The following MPP7 variants were observed in gnomAD, a reference collection of about 807,000 sequenced individuals.
MPP7 encodes the protein MAGUK p55 scaffold protein 7.
In MPP7, 60 loss-of-function variants were observed where a neutral mutation model predicts 76.5. The ratio of observed to expected loss-of-function variants is 0.78; its 90% CI spans 0.64 to 0.97. MPP7 has a LOEUF of 0.97. Ranked by LOEUF, MPP7 falls within the 50% of genes least tolerant of loss-of-function variation. MPP7 has a pLI of 0.00. For missense variants in MPP7, 641 were observed against 694.0 expected, an observed-to-expected ratio of 0.92 and a Z score of 0.86; for synonymous variants, 237 against 244.5, an observed-to-expected ratio of 0.97 and a Z score of 0.29.
chr10:28,331,173 G>T (rs1222316634), intron 1 of MPP7, among the ~76,000 whole-genome samples: 1 of 151,990 alleles, frequency 6.6e-6, no homozygotes, highest in African/African-American at 2.4e-5. Context: ...ATGAATTAAT[G>T]AAAAAAGGGA....
chr10:28,219,735 C>T (rs1246289546), intron 2 of MPP7, among the ~76,000 whole-genome samples: 1 of 151,972 alleles, frequency 6.6e-6, no homozygotes, highest in Non-Finnish European at 1.5e-5. Context: ...TTTACTATAA[C>T]CTAGGGCTAA....
chr10:28,086,004 T>A (rs554010636), intron 12 of MPP7, among the ~76,000 whole-genome samples: 8 of 152,044 alleles, frequency 5.3e-5, no homozygotes, highest in Non-Finnish European at 1.0e-4. Context: ...ATGGATGAAG[T>A]TGGAAACCAT....
chr10:28,153,356 A>G (rs894742365), intron 3 of MPP7, among the ~76,000 whole-genome samples: 6 of 152,200 alleles, frequency 3.9e-5, no homozygotes, highest in African/African-American at 1.4e-4. Context: ...GTTAGGAGTA[A>G]AGAAGTCTGG....
intron 1 of MPP7, among the ~76,000 whole-genome samples, chr10:28,302,071 G>A (rs1475109342): frequency 1.3e-5 from 2 of 151,852 alleles, no homozygotes; most frequent in African/African-American, 4.8e-5. Context: ...TTTTAAATGT[G>A]AATATTGCTT....
At chr10:28,199,329 AT>A (rs1837694452) in intron 3 of MPP7, among the ~76,000 whole-genome samples, 1 of 152,132 alleles carries the variant, frequency 6.6e-6, no homozygotes, top group Admixed American at 6.5e-5. Context: ...CTTCCCTCTG[AT>A]ACTTCTAAAG....
At chr10:28,290,000 G>C (rs1840876853) in intron 1 of MPP7, among the ~76,000 whole-genome samples, 1 of 152,098 alleles carries the variant, frequency 6.6e-6, no homozygotes, top group Non-Finnish European at 1.5e-5. Context: ...TGTATTTTTT[G>C]TAGAGATGGG....
At chr10:28,181,557 A>G (rs565535965) in intron 3 of MPP7, among the ~76,000 whole-genome samples, 1 of 111,766 alleles carries the variant, frequency 8.9e-6, no homozygotes, top group Admixed American at 8.5e-5. Flanking sequence ...GTGCCCCACG[A>G]TGGGCACTCA....
chr10:28,275,014 C>G (rs1004854771), intron 1 of MPP7, among the ~76,000 whole-genome samples: 5 of 152,172 alleles, frequency 3.3e-5, no homozygotes, highest in Non-Finnish European at 7.3e-5. Flanking sequence ...TTCAATACAT[C>G]TTGATGAAAT....
chr10:28,218,966 C>G (rs1288642725), intron 2 of MPP7, among the ~76,000 whole-genome samples: 1 of 152,140 alleles, frequency 6.6e-6, no homozygotes, highest in Non-Finnish European at 1.5e-5. Flanking sequence ...TCAAGAAATA[C>G]ATCTATGCCA....
chr10:28,261,825 T>C (rs559904367), intron 1 of MPP7, among the ~76,000 whole-genome samples: 13 of 152,116 alleles, frequency 8.5e-5, no homozygotes, highest in East Asian at 3.9e-4. Flanking sequence ...GGCAGGAGGA[T>C]TGCTTGAGCC....
rs1404021998 is a variant in MPP7 at position 28,204,067 on chromosome 10, CT to C, written c.38-1797del. Among the ~76,000 whole-genome samples the C allele has an allele frequency of 3.9e-5, 6 of 152,316 alleles. No homozygotes were observed. In the East Asian group the frequency reaches 1.2e-3, roughly 29 times the overall value. The stretch of plus-strand genomic sequence containing the variant: ...GCTAGATTCAAACTCAAAGTCTACA[CT>C]TAGAGCATTTCACGTAACTTAACTG... On this transcript the variant is annotated intron_variant, in intron 2 of 16. Transcript: ENST00000683449.
intron 2 of MPP7, among the ~76,000 whole-genome samples, chr10:28,205,437 G>C (rs996791739): frequency 2.0e-5 from 3 of 152,162 alleles, no homozygotes; most frequent in Admixed American, 6.6e-5. Flanking sequence ...TGAGAGTTTA[G>C]ATAGCAGCAG....
intron 2 of MPP7, among the ~76,000 whole-genome samples, chr10:28,225,701 C>A (rs1838665693): frequency 1.3e-5 from 2 of 152,170 alleles, no homozygotes; most frequent in Non-Finnish European, 1.5e-5. Context: ...GGAACCCTCA[C>A]ATATTGCTGG....
intron 5 of MPP7, among the ~76,000 whole-genome samples, chr10:28,139,609 C>T (rs1337569993): frequency 6.6e-6 from 1 of 152,062 alleles, no homozygotes; most frequent in Non-Finnish European, 1.5e-5. Context: ...TTTTCTTAAT[C>T]TTTAAAAGAG....
At chr10:28,163,227 C>T (rs1373286584) in intron 3 of MPP7, among the ~76,000 whole-genome samples, 1 of 152,140 alleles carries the variant, frequency 6.6e-6, no homozygotes, top group Non-Finnish European at 1.5e-5. Context: ...ACTCTGGCCA[C>T]CTTGCACTTC....
At chr10:28,219,386 C>A (rs1422692760) in intron 2 of MPP7, among the ~76,000 whole-genome samples, 1 of 152,156 alleles carries the variant, frequency 6.6e-6, no homozygotes, top group Non-Finnish European at 1.5e-5. Context: ...AGTGTTCCCG[C>A]AGCGAACAAT....
chr10:28,229,124 T>C (rs145427907), intron 2 of MPP7, among the ~76,000 whole-genome samples: 50 of 152,256 alleles, frequency 3.3e-4, no homozygotes, highest in Admixed American at 2.9e-3. Flanking sequence ...TTTATATGCA[T>C]TCAAAAAGCC....
intron 3 of MPP7, among the ~76,000 whole-genome samples, chr10:28,168,706 C>T (rs1171216242): frequency 6.6e-6 from 1 of 151,946 alleles, no homozygotes. Flanking sequence ...TTTTAGTAAA[C>T]ACGGGGTTTC....
At chr10:28,284,456 GC>G (rs1193253885) in intron 1 of MPP7, among the ~76,000 whole-genome samples, 9 of 152,176 alleles carry the variant, frequency 5.9e-5, no homozygotes, top group Admixed American at 5.9e-4. Flanking sequence ...GCAGGAAGAA[GC>G]CAGTGAAGTC....
Sources: gnomAD v4.1 joint callset for allele counts (sites outside exome capture counted in the v4.1 genomes callset) on GRCh38, gnomAD v4.1.1 for gene constraint, MANE v1.5 for transcripts, NCBI Gene and HGNC (gene_info 2026-07-23, HGNC 2026-07-21) for gene names.